The following PDK3 variants were observed in gnomAD, a reference collection of about 807,000 sequenced individuals.
The protein encoded by PDK3 is pyruvate dehydrogenase kinase, isozyme 3.
PDK3 carries 12 observed loss-of-function variants against 32.0 expected under a neutral mutation model. The ratio of observed to expected loss-of-function variants is 0.37; its 90% CI spans 0.24 to 0.61. The LOEUF (loss-of-function observed/expected upper bound fraction) is 0.61, where lower values mean the gene tolerates loss of function less well. Ranked by LOEUF, PDK3 falls within the 20% of genes least tolerant of loss-of-function variation. The pLI, the probability that PDK3 is intolerant of heterozygous loss-of-function variation, is 0.65. For synonymous variants in PDK3, 122 were observed against 116.3 expected (o/e 1.05, Z -0.31); for missense variants, 188 against 316.9 (o/e 0.59, Z 3.09).
At chrX:24,530,072 T>C (rs1042113584) in intron 9 of PDK3, among the ~76,000 whole-genome samples, 6 of 111,647 alleles carry the variant, frequency 5.4e-5, no homozygotes, top group African/African-American at 2.0e-4. Flanking sequence ...GGCTCTTCTG[T>C]GTTGGACATG....
intron 6 of PDK3, among the ~76,000 whole-genome samples, chrX:24,519,871 A>T (rs1922352829): frequency 8.9e-6 from 1 of 112,218 alleles, no homozygotes; most frequent in Non-Finnish European, 1.9e-5. Flanking sequence ...TCTTTGGTCC[A>T]GTAAATTAAA....
At position 24,533,937 on chromosome X, in the gene PDK3, A is replaced by G. The variant is rs1405283484; in HGVS notation, c.1086A>G (p.Ser362=). ...TDAVIYLKAL[S]SESFERLPVF... is the part of the protein sequence containing the mutation. ...TTTTGTTTCTCCAATAGGCTCTTTC[A>G]AGTGAGTCATTTGAGAGACTTCCAG... The change falls in exon 11 of 11, where the codon TCA becomes TCG. Residue 362 remains serine, a synonymous_variant. Transcript: ENST00000379162. 8.3e-7 allele frequency: 1 copy of G among 1,201,543 alleles called. No homozygotes were observed. The highest frequency in any genetic ancestry group is 2.2e-5 in the Admixed American group (1 of 45,249).
At chrX:24,502,874 T>C (rs1293607337) in intron 3 of PDK3, among the ~76,000 whole-genome samples, 1 of 111,641 alleles carries the variant, frequency 9.0e-6, no homozygotes, top group African/African-American at 3.3e-5. Context: ...CAAAAAACAG[T>C]GTGACATTAT....
chrX:24,480,596 T>C (rs1459503132), intron 1 of PDK3, among the ~76,000 whole-genome samples: 4 of 112,091 alleles, frequency 3.6e-5, no homozygotes, highest in Middle Eastern at 4.2e-3. Flanking sequence ...AAAACCACAG[T>C]GTTAGAGCTG....
At chrX:24,473,330 C>T (rs781738470) in intron 1 of PDK3, among the ~76,000 whole-genome samples, 26 of 108,153 alleles carry the variant, frequency 2.4e-4, no homozygotes, top group East Asian at 9.3e-4. Context: ...GCCAAGATTG[C>T]GCCACTGCAC....
exon 12 of PDK3, among the ~76,000 whole-genome samples, chrX:24,545,095 T>C (rs1028814456): frequency 5.0e-4 from 56 of 111,934 alleles, no homozygotes; most frequent in Non-Finnish European, 8.8e-4. Flanking sequence ...TTGACAATTA[T>C]TAGTTAGCTG....
chrX:24,516,241 G>A (rs1446595921), intron 5 of PDK3, among the ~76,000 whole-genome samples: 2 of 111,232 alleles, frequency 1.8e-5, no homozygotes, highest in African/African-American at 6.5e-5. Context: ...GTATTGATGT[G>A]GGGAATATAA....
chrX:24,530,500 C>A (rs758997506), intron 9 of PDK3, among the ~76,000 whole-genome samples: 1 of 111,666 alleles, frequency 9.0e-6, no homozygotes, highest in African/African-American at 3.3e-5. Flanking sequence ...AAAACATGGT[C>A]TCAAAGAGGT....
rs141335766 is a variant in PDK3 at position 24,491,466 on chromosome X, G to C, written c.107-3276G>C. Among the ~76,000 whole-genome samples, 969 of 110,045 alleles carry C rather than the reference G, an allele frequency of 8.8e-3. 14 individuals are homozygous for C. Among genetic ancestry groups the C allele is most frequent in the African/African-American group, 0.03 (921 of 30,273 alleles). On this transcript the variant is annotated intron_variant, in intron 1 of 10. Coordinates refer to ENST00000379162, the MANE Select transcript of PDK3 (RefSeq NM_005391.5). ...CCAAGGAGCAGAGTGTGGGTCAATG[G>C]GTGGAAAGTTACTAAGAGGAAAAAT...
intron 1 of PDK3, among the ~76,000 whole-genome samples, chrX:24,487,608 G>C (rs1307002539): frequency 1.8e-5 from 2 of 111,562 alleles, no homozygotes; most frequent in African/African-American, 3.3e-5. Flanking sequence ...TTTAGTTGGT[G>C]ATATTAATCG....
chrX:24,514,647 T>A (rs1922207531), intron 5 of PDK3, among the ~76,000 whole-genome samples: 1 of 111,868 alleles, frequency 8.9e-6, no homozygotes, highest in South Asian at 3.7e-4. Context: ...AGCTTTTTCA[T>A]TTTTATGTTA....
At chrX:24,484,852 C>G (rs1432212180) in intron 1 of PDK3, among the ~76,000 whole-genome samples, 2 of 110,835 alleles carry the variant, frequency 1.8e-5, no homozygotes, top group African/African-American at 6.6e-5. Context: ...ATTCCTCTCT[C>G]TCTCTCTCTC....
At chrX:24,521,807 C>T (rs772599775) in intron 6 of PDK3, among the ~76,000 whole-genome samples, 14 of 111,861 alleles carry the variant, frequency 1.3e-4, no homozygotes, top group African/African-American at 4.5e-4. Flanking sequence ...AGCCCCCTTT[C>T]GATCATGTTT....
At chrX:24,503,577 C>T in intron 4 of PDK3, 66 bp downstream of exon 4, 1 of 848,788 alleles carries the variant, frequency 1.2e-6, no homozygotes. Context: ...AAATGTTTTC[C>T]TGTTGTTAAT....
chrX:24,500,051 TC>T (rs1921814436), intron 3 of PDK3, among the ~76,000 whole-genome samples: 1 of 111,419 alleles, frequency 9.0e-6, no homozygotes, highest in Non-Finnish European at 1.9e-5. Context: ...TTGGCAGAAA[TC>T]CTAAAACCTA....
In PDK3 at chrX:24,518,976, G is replaced by A; in HGVS notation, c.639G>A (p.Leu213=). The A allele has an allele frequency of 4.2e-6, 5 of 1,194,704 alleles. No individual in the cohort carries two copies. The highest frequency in any genetic ancestry group is 5.7e-6 in the Non-Finnish European group (5 of 884,698). ...AGATGCTGTGTGAACAGTATTACCT[G>A]GTAGCTCCAGAGCTGGAAGTTGAAG... ...TAKMLCEQYY[L]VAPELEVEEF... is the part of the protein sequence containing the mutation. Residue 213 remains leucine (L), a synonymous_variant, in exon 6 of 11, where the codon CTG becomes CTA. Coordinates refer to ENST00000379162, the MANE Select transcript of PDK3 (RefSeq NM_005391.5).
At chrX:24,546,678 TC>T (rs1923002662) in exon 12 of PDK3, 1 of 111,647 alleles carries the variant, frequency 9.0e-6, no homozygotes, top group Non-Finnish European at 1.9e-5. Context: ...TCATGACAGT[TC>T]CTCCATGCCT....
chrX:24,501,197 C>T (rs5986511), intron 3 of PDK3, among the ~76,000 whole-genome samples: 2,850 of 111,448 alleles, frequency 0.026, 59 homozygotes, highest in South Asian at 0.21. Context: ...TCCTTTCTTC[C>T]GTGCTTTTCC....
At chrX:24,489,156 C>T (rs751324792) in intron 1 of PDK3, among the ~76,000 whole-genome samples, 80 of 111,169 alleles carry the variant, frequency 7.2e-4, no homozygotes, top group African/African-American at 2.5e-3. Context: ...ACTGAGTATC[C>T]GGCATTAATA....
Sources: allele counts gnomAD v4.1 joint callset (sites outside exome capture counted in the v4.1 genomes callset), GRCh38; gene constraint gnomAD v4.1.1; transcripts MANE v1.5; gene names NCBI Gene and HGNC (gene_info 2026-07-23, HGNC 2026-07-21).